The following IL1RAPL1 variants were observed in gnomAD, a reference collection of about 807,000 sequenced individuals.
The protein encoded by IL1RAPL1 is interleukin 1 receptor accessory protein like 1.
IL1RAPL1 carries 3 observed loss-of-function variants against 48.4 expected under a neutral mutation model. The observed-to-expected ratio is 0.06, with a 90% confidence interval of 0.03 to 0.16. The LOEUF is 0.16. Among genes scored for constraint, IL1RAPL1 ranks in the 10% least tolerant of loss-of-function variants. IL1RAPL1 has a pLI of 1.00. For missense variants in IL1RAPL1, 349 were observed against 530.6 expected (o/e 0.66, Z 3.36); for synonymous variants, 185 against 187.7 (o/e 0.99, Z 0.12).
intron 6 of IL1RAPL1, among the ~76,000 whole-genome samples, chrX:29,881,523 C>T (rs1932032497): frequency 9.0e-6 from 1 of 110,714 alleles, no homozygotes; most frequent in South Asian, 3.9e-4. Context: ...TTACTATTCT[C>T]CTTCTCTTTA....
intron 5 of IL1RAPL1, among the ~76,000 whole-genome samples, chrX:29,405,059 A>G (rs1391425054): frequency 1.8e-5 from 2 of 109,521 alleles, no homozygotes; most frequent in Non-Finnish European, 3.8e-5. Context: ...AATTACAGAC[A>G]CGTGCCACCA....
intron 6 of IL1RAPL1, among the ~76,000 whole-genome samples, chrX:29,769,978 A>AACTG (rs778432395): frequency 2.7e-5 from 3 of 111,323 alleles, no homozygotes; most frequent in South Asian, 7.7e-4. Context: ...TTCATATTTG[A>AACTG]ACTGACTGAT....
intron 5 of IL1RAPL1, among the ~76,000 whole-genome samples, chrX:29,407,187 C>T (rs987345277): frequency 9.0e-6 from 1 of 111,539 alleles, no homozygotes; most frequent in African/African-American, 3.3e-5. Context: ...AAATAGAATA[C>T]TGTAGGCCCC....
chrX:29,522,912 T>TTCTC (rs761878581), intron 5 of IL1RAPL1, among the ~76,000 whole-genome samples: 3 of 107,296 alleles, frequency 2.8e-5, no homozygotes, highest in Non-Finnish European at 5.8e-5. Context: ...CTCATCTGTG[T>TTCTC]TCTCTCTCTC....
At chrX:28,671,312 C>T (rs1273007095) in intron 1 of IL1RAPL1, among the ~76,000 whole-genome samples, 3 of 112,148 alleles carry the variant, frequency 2.7e-5, no homozygotes, top group Non-Finnish European at 3.8e-5. Context: ...AATAATGCTA[C>T]TGATTACATT....
At chrX:29,664,605 C>G (rs1430950925) in intron 5 of IL1RAPL1, among the ~76,000 whole-genome samples, 1 of 111,346 alleles carries the variant, frequency 9.0e-6, no homozygotes, top group Admixed American at 9.5e-5. Flanking sequence ...GAGAAAGATA[C>G]ATGTATTATA....
At chrX:29,115,777 A>G (rs1391506985) in intron 2 of IL1RAPL1, among the ~76,000 whole-genome samples, 2 of 110,492 alleles carry the variant, frequency 1.8e-5, no homozygotes, top group African/African-American at 6.6e-5. Flanking sequence ...GAACTTATTT[A>G]TAGCATTATA....
chrX:29,349,244 A>G (rs1315217571), intron 3 of IL1RAPL1, among the ~76,000 whole-genome samples: 1 of 112,234 alleles, frequency 8.9e-6, no homozygotes, highest in Non-Finnish European at 1.9e-5. Context: ...CTGTTCATGT[A>G]TTTCTTCCTT....
At chrX:29,115,043 T>C (rs898979241) in intron 2 of IL1RAPL1, among the ~76,000 whole-genome samples, 1 of 112,310 alleles carries the variant, frequency 8.9e-6, no homozygotes, top group African/African-American at 3.2e-5. Context: ...GCTCATTTAC[T>C]TCTACTATGT....
intron 6 of IL1RAPL1, among the ~76,000 whole-genome samples, chrX:29,745,862 C>T (rs1013887985): frequency 1.8e-5 from 2 of 111,368 alleles, no homozygotes; most frequent in Non-Finnish European, 3.8e-5. Flanking sequence ...GCTTTAAAGT[C>T]GAGTCTCTGC....
intron 2 of IL1RAPL1, among the ~76,000 whole-genome samples, chrX:29,185,113 G>A (rs1056870885): frequency 2.7e-5 from 3 of 112,092 alleles, no homozygotes; most frequent in Non-Finnish European, 3.8e-5. Flanking sequence ...CTAAATGATC[G>A]TGAGTAATTT....
intron 3 of IL1RAPL1, among the ~76,000 whole-genome samples, chrX:29,387,913 A>G (rs1397790803): frequency 9.2e-6 from 1 of 108,791 alleles, no homozygotes; most frequent in Non-Finnish European, 1.9e-5. Flanking sequence ...TAATTCCTTG[A>G]ACGTAGGAGG....
chrX:28,974,679 G>C (rs966711546), intron 2 of IL1RAPL1, among the ~76,000 whole-genome samples: 8 of 111,781 alleles, frequency 7.2e-5, no homozygotes, highest in African/African-American at 2.0e-4. Flanking sequence ...TAGATGAATA[G>C]ACTAACATGT....
At chrX:29,119,052 C>T (rs1021806636) in intron 2 of IL1RAPL1, among the ~76,000 whole-genome samples, 3 of 110,227 alleles carry the variant, frequency 2.7e-5, no homozygotes, top group Non-Finnish European at 5.7e-5. Flanking sequence ...TTATACAAAA[C>T]GACCAAAACT....
intron 5 of IL1RAPL1, among the ~76,000 whole-genome samples, chrX:29,616,933 T>A (rs1036696954): frequency 8.9e-6 from 1 of 111,775 alleles, no homozygotes; most frequent in African/African-American, 3.3e-5. Context: ...GTTTACTCAT[T>A]AATTGTATAA....
intron 1 of IL1RAPL1, among the ~76,000 whole-genome samples, chrX:28,695,157 ATTG>A (rs923779570): frequency 3.6e-5 from 4 of 111,347 alleles, no homozygotes; most frequent in Non-Finnish European, 7.5e-5. Flanking sequence ...TAAAGAATCT[ATTG>A]TTATTATTTT....
chrX:29,058,850 A>G (rs1440335574), intron 2 of IL1RAPL1, among the ~76,000 whole-genome samples: 2 of 112,249 alleles, frequency 1.8e-5, no homozygotes, highest in African/African-American at 6.5e-5. Flanking sequence ...TGTCCCCATC[A>G]AAAAAGACTG....
At chrX:29,271,396 G>T (rs1298805522) in intron 2 of IL1RAPL1, among the ~76,000 whole-genome samples, 1 of 112,131 alleles carries the variant, frequency 8.9e-6, no homozygotes, top group Non-Finnish European at 1.9e-5. Flanking sequence ...GGGATTGCTG[G>T]ATCAAATGAT....
At chrX:29,895,607 T>TAATA (rs750149976) in intron 6 of IL1RAPL1, among the ~76,000 whole-genome samples, 15 of 113,105 alleles carry the variant, frequency 1.3e-4, no homozygotes, top group African/African-American at 4.2e-4. Context: ...TCTCAGTATT[T>TAATA]AATAGTGAAG....
Sources: allele counts gnomAD v4.1 joint callset (sites outside exome capture counted in the v4.1 genomes callset), GRCh38; gene constraint gnomAD v4.1.1; transcripts MANE v1.5; gene names NCBI Gene and HGNC (gene_info 2026-07-23, HGNC 2026-07-21).